The following NAV3 variants were observed in gnomAD, a reference collection of about 807,000 sequenced individuals.
NAV3 encodes the protein neuron navigator 3.
In NAV3, 87 loss-of-function variants were observed where a neutral mutation model predicts 244.7. That is an observed-to-expected ratio of 0.36 (90% CI 0.30 to 0.42). The LOEUF (loss-of-function observed/expected upper bound fraction) is 0.42, where lower values mean the gene tolerates loss of function less well. NAV3 is among the 20% of genes least tolerant of loss of function. The probability of loss-of-function intolerance (pLI) is 1.00; values close to 1 mark genes in which losing one functional copy is unlikely to be tolerated. For synonymous variants in NAV3, 1,126 were observed against 1,042.2 expected (o/e 1.08, Z -1.55); for missense variants, 2,663 against 2,893.3 (o/e 0.92, Z 1.83).
At position 78,119,749 on chromosome 12, in the gene NAV3, G is replaced by A. The variant is rs1316998679; in HGVS notation, c.3553G>A (p.Gly1185Arg). 3 of 1,613,930 alleles carry A rather than the reference G, an allele frequency of 1.9e-6. No individual in the cohort carries two copies. The highest frequency in any genetic ancestry group is 8.5e-7 in the Non-Finnish European group (1 of 1,180,032). ...GAAACTGAGAGAACCAACTAAAATT[G>A]GGTCAGGGCGCTCGAGTCCTGTCAC... Reference protein sequence around the residue: ...TSKLREPTKIGSGRSSPVTVN... With the variant: ...TSKLREPTKIRSGRSSPVTVN... Residue 1185 changes from glycine (G) to arginine (R), a missense_variant, in exon 15 of 40, where the codon GGG (glycine) becomes AGG (arginine). Coordinates refer to ENST00000397909, the MANE Select transcript of NAV3 (RefSeq NM_001024383.2).
At chr12:77,688,433 G>A (rs991049740) in intron 2 of NAV3, among the ~76,000 whole-genome samples, 9 of 151,972 alleles carry the variant, frequency 5.9e-5, no homozygotes, top group Non-Finnish European at 8.8e-5. Flanking sequence ...AGTACCATGA[G>A]GATGAGGATA....
rs116466489 is a variant in NAV3, at chr12:78,113,715, A to G, written c.2637-3057A>G. Among the ~76,000 whole-genome samples, 1,056 of 152,266 alleles carry G rather than the reference A, an allele frequency of 6.9e-3. 8 individuals carry two copies. The highest frequency in any genetic ancestry group is 0.024 in the African/African-American group (984 of 41,550). On this transcript the variant is annotated intron_variant, in intron 12 of 39. Transcript: ENST00000397909. ...AGTAGGGTTGCCACAAAACTGTCTG[A>G]CATGCCTTGGAGACATTTTCCCTAT...
chr12:78,068,534 A>G (rs908246857), intron 12 of NAV3, among the ~76,000 whole-genome samples: 2 of 149,784 alleles, frequency 1.3e-5, no homozygotes, highest in Non-Finnish European at 3.0e-5. Context: ...CATGTGTGAG[A>G]GCGTCTAAAA....
intron 2 of NAV3, among the ~76,000 whole-genome samples, chr12:77,608,834 A>G (rs1319090596): frequency 6.6e-6 from 1 of 151,964 alleles, no homozygotes; most frequent in Non-Finnish European, 1.5e-5. Context: ...GGAGTCAGAG[A>G]GTCTGGCTTT....
chr12:77,778,669 A>AT (rs919179907), intron 2 of NAV3, among the ~76,000 whole-genome samples: 3 of 151,624 alleles, frequency 2.0e-5, no homozygotes, highest in Non-Finnish European at 4.4e-5. Context: ...AAGAGACTTT[A>AT]TTTTTTTAAT....
At chr12:77,966,203 C>CT (rs751198224) in intron 3 of NAV3, 26 bp from the exon 4 acceptor site, 20 of 1,609,304 alleles carry the variant, frequency 1.2e-5, no homozygotes, top group Non-Finnish European at 1.4e-5. Context: ...CTCTAAGTTG[C>CT]TTTTTCACTG....
chr12:78,051,891 C>T (rs564035008), intron 11 of NAV3, among the ~76,000 whole-genome samples: 36 of 152,222 alleles, frequency 2.4e-4, no homozygotes, highest in African/African-American at 8.2e-4. Context: ...CTTTTCCTTC[C>T]CACCACCAGC....
In NAV3 at chr12:78,050,910, G is replaced by T. The variant is rs61754794; in HGVS notation, c.2279G>T (p.Gly760Val). Residue 760 changes from glycine to valine, a missense_variant, in exon 11 of 40, where the codon GGT (glycine) becomes GTT (valine). By Grantham distance (109) the Gly-to-Val change is moderately radical. Around this residue, in one of 6 missense-constraint regions of NAV3, gnomAD observed 1,521 missense variants for 1,497.0 expected, o/e 1.02. Transcript: ENST00000397909. ...CAGGCGGGAGATGCTCCCTCCCTGG[G>T]TGCTGGCTATCCTCGCAGTGGTACC... ...RLQAGDAPSL[G>V]AGYPRSGTSR... is the part of the protein sequence containing the mutation. 1.2e-6 allele frequency: 2 copies of T among 1,614,060 alleles called. No individual in the cohort carries two copies. Among genetic ancestry groups the T allele is most frequent in the Non-Finnish European group, 1.7e-6 (2 of 1,180,004 alleles).
At chr12:77,767,753 G>A (rs1869853351) in intron 2 of NAV3, among the ~76,000 whole-genome samples, 1 of 152,216 alleles carries the variant, frequency 6.6e-6, no homozygotes, top group Admixed American at 6.5e-5. Context: ...GCCCCAAAGA[G>A]GGGGTCATAG....
rs115902451 is a variant in NAV3, at chr12:77,670,808, G to A, written c.72+98542G>A. ...AACCTTAGGGTAATAAATGCCATCCGTGACAAACCCACAGACAACATTATA... is the reference window on the plus strand; with the variant it reads ...AACCTTAGGGTAATAAATGCCATCCATGACAAACCCACAGACAACATTATA... On this transcript the variant is annotated intron_variant, in intron 2 of 8. Coordinates refer to the NAV3 transcript ENST00000550042. 7.4e-3 allele frequency among the ~76,000 whole-genome samples: 1,120 copies of A among 152,108 alleles called. 20 individuals carry two copies. Among genetic ancestry groups the A allele is most frequent in the African/African-American group, 0.026 (1,067 of 41,512 alleles).
intron 2 of NAV3, among the ~76,000 whole-genome samples, chr12:77,744,046 G>A (rs939742777): frequency 2.0e-5 from 3 of 151,780 alleles, no homozygotes; most frequent in African/African-American, 4.8e-5. Flanking sequence ...AAGATTCTAT[G>A]TTATTTTCTT....
chr12:77,900,647 G>T (rs1885179301), intron 1 of NAV3, among the ~76,000 whole-genome samples: 1 of 152,048 alleles, frequency 6.6e-6, no homozygotes, highest in Non-Finnish European at 1.5e-5. Flanking sequence ...TTCCATGTCT[G>T]TTATTGTGAA....
intron 23 of NAV3, among the ~76,000 whole-genome samples, chr12:78,159,648 G>C (rs535985624): frequency 6.6e-6 from 1 of 151,868 alleles, no homozygotes; most frequent in East Asian, 1.9e-4. Flanking sequence ...CAGCCTGGGA[G>C]ACAGAACAAA....
intron 1 of NAV3, among the ~76,000 whole-genome samples, chr12:77,837,785 A>G (rs1276362270): frequency 6.6e-6 from 1 of 152,212 alleles, no homozygotes; most frequent in Non-Finnish European, 1.5e-5. Context: ...TTGTAAATCA[A>G]TCAGTGGTTG....
At chr12:77,894,173 C>G (rs1299289834) in intron 1 of NAV3, among the ~76,000 whole-genome samples, 2 of 152,212 alleles carry the variant, frequency 1.3e-5, no homozygotes, top group Non-Finnish European at 2.9e-5. Flanking sequence ...AGCACTTGCC[C>G]AGATCTTTTG....
intron 11 of NAV3, among the ~76,000 whole-genome samples, chr12:78,057,873 A>G (rs1883745280): frequency 6.6e-6 from 1 of 152,224 alleles, no homozygotes; most frequent in Non-Finnish European, 1.5e-5. Context: ...GCATGTCTAC[A>G]TGTAAGGGTT....
chr12:77,583,210 C>A (rs897808986), intron 2 of NAV3, among the ~76,000 whole-genome samples: 11 of 152,146 alleles, frequency 7.2e-5, no homozygotes, highest in African/African-American at 2.7e-4. Flanking sequence ...TAATTAATTT[C>A]TACTTAATAT....
rs2137251258 is a variant in NAV3, at chr12:78,050,898, C to G, written c.2267C>G (p.Ala756Gly). Residue 756 changes from alanine (A) to glycine (G), a missense_variant, in exon 11 of 40, where the codon GCT becomes GGT. Transcript: ENST00000397909. ...TGTCCGCGACTTCAGGCGGGAGATGCTCCCTCCCTGGGTGCTGGCTATCCT... is the reference window on the plus strand; with the variant it reads ...TGTCCGCGACTTCAGGCGGGAGATGGTCCCTCCCTGGGTGCTGGCTATCCT... ...QACPRLQAGD[A>G]PSLGAGYPRS... 6.2e-7 allele frequency: 1 copy of G among 1,614,070 alleles called. No homozygotes were observed. Among genetic ancestry groups the G allele is most frequent in the Non-Finnish European group, 8.5e-7 (1 of 1,179,996 alleles).
At position 78,007,412 on chromosome 12, in the gene NAV3, C is replaced by G. The variant is rs573896613; in HGVS notation, c.1874C>G (p.Pro625Arg). 1 of 1,613,962 alleles carries G rather than the reference C, an allele frequency of 6.2e-7. No individual in the cohort carries two copies. Among genetic ancestry groups the G allele is most frequent in the Non-Finnish European group, 8.5e-7 (1 of 1,179,954 alleles). Reference protein sequence around the residue: ...QLPQQQQHSHPNTATVAPFIY... With the variant: ...QLPQQQQHSHRNTATVAPFIY... ...CCTCAACAGCAGCAACATAGCCACC[C>G]GAATACCGCGACAGTGGCACCATTC... The change falls in exon 8 of 40, where the codon CCG (proline) becomes CGG (arginine). Residue 625 changes from proline (P) to arginine (R), a missense_variant. This residue lies in a region of NAV3 where 1,521 missense variants were observed against 1,497.0 expected (regional missense o/e 1.02). Coordinates refer to ENST00000397909, the MANE Select transcript of NAV3 (RefSeq NM_001024383.2).
Sources: allele counts gnomAD v4.1 joint callset (sites outside exome capture counted in the v4.1 genomes callset), GRCh38; gene constraint gnomAD v4.1.1; regional missense constraint gnomAD v4.1.1; transcripts MANE v1.5; gene names NCBI Gene and HGNC (gene_info 2026-07-23, HGNC 2026-07-21).